The following CDH12 variants were observed in gnomAD, a reference collection of about 807,000 sequenced individuals.
CDH12 encodes cadherin 12.
CDH12 carries 41 observed loss-of-function variants against 74.1 expected under a neutral mutation model. That is an observed-to-expected ratio of 0.55 (90% confidence interval 0.43 to 0.72). The LOEUF is 0.72. Ranked by LOEUF, CDH12 falls within the 30% of genes least tolerant of loss-of-function variation. The pLI is 0.00. For missense variants in CDH12, 945 were observed against 977.2 expected, an observed-to-expected ratio of 0.97 and a Z score of 0.44; for synonymous variants, 399 against 355.0, an observed-to-expected ratio of 1.12 and a Z score of -1.39.
At chr5:22,209,346 A>C (rs943006053) in intron 4 of CDH12, among the ~76,000 whole-genome samples, 8 of 152,198 alleles carry the variant, frequency 5.3e-5, no homozygotes, top group Non-Finnish European at 2.9e-5. Context: ...TAGGCTGCTG[A>C]ATATGTAAGT....
chr5:21,854,559 G>T, intron 7 of CDH12, 112 bp downstream of exon 7: 2 of 766,698 alleles, frequency 2.6e-6, no homozygotes, highest in Non-Finnish European at 4.2e-6. Flanking sequence ...AATGCGCATC[G>T]CACTGAAGCT....
chr5:22,628,612 A>G (rs1362869006), intron 1 of CDH12, among the ~76,000 whole-genome samples: 1 of 152,142 alleles, frequency 6.6e-6, no homozygotes, highest in Non-Finnish European at 1.5e-5. Context: ...TTAACAGGGA[A>G]GTTTATAGCG....
rs181141443 is a variant in CDH12, at chr5:21,969,049, T to C, written c.526+6042A>G. On this transcript the variant is annotated intron_variant, in intron 6 of 14. Coordinates refer to ENST00000382254, the MANE Select transcript of CDH12 (RefSeq NM_004061.5). ...CATGCTGGGCTTAATACTTATGTGA[T>C]GGGTTGATAGGTGCAGCAAACCACC... Among the ~76,000 whole-genome samples, 258 of 151,750 alleles carry C rather than the reference T, an allele frequency of 1.7e-3. 2 individuals carry two copies. Among genetic ancestry groups the C allele is most frequent in the African/African-American group, 5.8e-3 (242 of 41,390 alleles).
intron 1 of CDH12, among the ~76,000 whole-genome samples, chr5:22,673,279 A>G (rs1740998729): frequency 6.6e-6 from 1 of 152,186 alleles, no homozygotes; most frequent in Admixed American, 6.6e-5. Context: ...CCAAATGCCT[A>G]TTACAATTTT....
chr5:22,619,353 C>T (rs546532873), intron 1 of CDH12, among the ~76,000 whole-genome samples: 112 of 152,178 alleles, frequency 7.4e-4, no homozygotes, highest in Middle Eastern at 3.4e-3. Flanking sequence ...AGTTCTGTTA[C>T]TTTGATCCAA....
chr5:22,017,418 C>T (rs1348313013), intron 5 of CDH12, among the ~76,000 whole-genome samples: 2 of 152,140 alleles, frequency 1.3e-5, no homozygotes, highest in Non-Finnish European at 1.5e-5. Context: ...CTCTCCTCCT[C>T]ACCCTATGAA....
At chr5:22,817,288 A>G (rs1749441545) in intron 1 of CDH12, among the ~76,000 whole-genome samples, 1 of 152,100 alleles carries the variant, frequency 6.6e-6, no homozygotes, top group Admixed American at 6.6e-5. Flanking sequence ...GTAAAAAATT[A>G]TGTTTCTCAC....
intron 6 of CDH12, chr5:21,882,787 A>G: frequency 6.3e-7 from 1 of 1,582,176 alleles, no homozygotes; most frequent in Non-Finnish European, 8.7e-7. Context: ...ATTATTGAGC[A>G]GAGCTGGGGA....
chr5:22,026,844 A>G lies in CDH12; in HGVS notation c.232-51459T>C, dbSNP rs143397571. Reference sequence around the variant, plus strand: ...TCACTTTCAAATTCTTTGGTGCAGCAAAGGTTAGAACCTGTACTGGCCTAC... The same window carrying G: ...TCACTTTCAAATTCTTTGGTGCAGCGAAGGTTAGAACCTGTACTGGCCTAC... On this transcript the variant is annotated intron_variant, in intron 5 of 14. Transcript: ENST00000382254. Among the ~76,000 whole-genome samples the G allele has an allele frequency of 6.4e-3, 981 of 152,262 alleles. 12 individuals are homozygous for G. The highest frequency in any genetic ancestry group is 0.022 in the African/African-American group (924 of 41,568).
chr5:22,442,093 A>T (rs1459229817), intron 2 of CDH12, among the ~76,000 whole-genome samples: 1 of 152,192 alleles, frequency 6.6e-6, no homozygotes, highest in Non-Finnish European at 1.5e-5. Flanking sequence ...TTCACAGATA[A>T]TTTCACAGAT....
intron 3 of CDH12, among the ~76,000 whole-genome samples, chr5:22,346,105 C>CA (rs5866560): frequency 0.4 from 40,239 of 101,292 alleles, 7,004 homozygotes; most frequent in South Asian, 0.49. Context: ...GACTTCATCT[C>CA]AAAAAAAAAA....
At chr5:22,806,294 A>G (rs1165807462) in intron 1 of CDH12, among the ~76,000 whole-genome samples, 1 of 149,724 alleles carries the variant, frequency 6.7e-6, no homozygotes, top group Non-Finnish European at 1.5e-5. Flanking sequence ...AAGGGTTCCT[A>G]TTTCCCCACA....
intron 2 of CDH12, among the ~76,000 whole-genome samples, chr5:22,454,257 C>A (rs1217669693): frequency 1.3e-5 from 2 of 152,110 alleles, no homozygotes; most frequent in African/African-American, 4.8e-5. Flanking sequence ...ATTAAACTAA[C>A]AATTAGTCTT....
chr5:22,292,623 AACACAC>A (rs35149500), intron 3 of CDH12, among the ~76,000 whole-genome samples: 3 of 149,646 alleles, frequency 2.0e-5, no homozygotes, highest in African/African-American at 7.3e-5. Flanking sequence ...ATGCTTCTCA[AACACAC>A]ACACACACAC....
intron 4 of CDH12, among the ~76,000 whole-genome samples, chr5:22,198,027 C>T (rs1750720786): frequency 6.6e-6 from 1 of 151,378 alleles, no homozygotes; most frequent in South Asian, 2.1e-4. Context: ...TTATTCACAA[C>T]AATATTATTC....
intron 3 of CDH12, among the ~76,000 whole-genome samples, chr5:22,397,224 T>C (rs746110128): frequency 3.3e-5 from 5 of 152,014 alleles, no homozygotes; most frequent in Non-Finnish European, 5.9e-5. Flanking sequence ...AGTCTCTTTC[T>C]CCTTTCACCC....
chr5:22,104,532 ATCC>A, intron 4 of CDH12, among the ~76,000 whole-genome samples: 1 of 152,360 alleles, frequency 6.6e-6, no homozygotes, highest in South Asian at 2.1e-4. Flanking sequence ...TAGCAGGGAT[ATCC>A]CTGAAGGAAA....
rs539340383 is a variant in CDH12 at position 22,109,758 on chromosome 5, T to G, written c.-186-30896A>C. Reference sequence around the variant, plus strand: ...AAAGTACTCAGATTATCAAAGGTATTGTAGAGGAGGCAAAACTCAAGTTCT... The same window carrying G: ...AAAGTACTCAGATTATCAAAGGTATGGTAGAGGAGGCAAAACTCAAGTTCT... On this transcript the variant is annotated intron_variant, in intron 4 of 14. Coordinates refer to ENST00000382254, the MANE Select transcript of CDH12 (RefSeq NM_004061.5). Among the ~76,000 whole-genome samples, 8 of 152,298 alleles carry G rather than the reference T, an allele frequency of 5.3e-5. 1 individual carries two copies. Among genetic ancestry groups the G allele is most frequent in the African/African-American group, 1.9e-4 (8 of 41,578 alleles).
intron 1 of CDH12, among the ~76,000 whole-genome samples, chr5:22,630,450 T>C (rs1460036928): frequency 6.6e-6 from 1 of 152,146 alleles, no homozygotes; most frequent in Non-Finnish European, 1.5e-5. Context: ...AACAGTCATA[T>C]AGACCCACGG....
Sources: gnomAD v4.1 joint callset for allele counts (sites outside exome capture counted in the v4.1 genomes callset) on GRCh38, gnomAD v4.1.1 for gene constraint, MANE v1.5 for transcripts, NCBI Gene and HGNC (gene_info 2026-07-23, HGNC 2026-07-21) for gene names.